ATCAY: variants seen among roughly 807,000 people sequenced by gnomAD.
ATCAY encodes the protein ATCAY kinesin light chain interacting caytaxin, also known as caytaxin.
A neutral mutation model predicts 47.7 loss-of-function variants in ATCAY; 22 were observed. The observed-to-expected ratio is 0.46, with a 90% CI of 0.33 to 0.66. ATCAY has a LOEUF of 0.66. ATCAY is among the 30% of genes least tolerant of loss of function. The probability of loss-of-function intolerance (pLI) is 0.02; values close to 1 mark genes in which losing one functional copy is unlikely to be tolerated. For missense variants in ATCAY, 452 were observed against 515.0 expected (o/e 0.88, Z 1.18); for synonymous variants, 216 against 207.6 (o/e 1.04, Z -0.35).
chr19:3,915,316 G>T (rs887283006), intron 9 of ATCAY, among the ~76,000 whole-genome samples: 1 of 146,542 alleles, frequency 6.8e-6, no homozygotes, highest in African/African-American at 2.5e-5. Flanking sequence ...GGGATTACAG[G>T]CATGAGCCGC....
At chr19:3,912,294 G>A (rs1016468879) in intron 8 of ATCAY, among the ~76,000 whole-genome samples, 6 of 151,200 alleles carry the variant, frequency 4.0e-5, no homozygotes, top group African/African-American at 1.2e-4. Flanking sequence ...GTGACATAGC[G>A]AGACCCTGTC....
At chr19:3,909,685 G>A in intron 7 of ATCAY, 68 bp downstream of exon 7, 3 of 1,537,172 alleles carry the variant, frequency 2.0e-6, no homozygotes, top group African/African-American at 1.4e-5. Flanking sequence ...GGACATGGTG[G>A]CTCACACCTG....
At chr19:3,905,032 T>C (rs2038848242) in intron 3 of ATCAY, among the ~76,000 whole-genome samples, 1 of 152,054 alleles carries the variant, frequency 6.6e-6, no homozygotes, top group Admixed American at 6.6e-5. Context: ...CTAATTTTTA[T>C]ATTTTTAGTA....
chr19:3,913,215 G>A (rs2038937502), intron 8 of ATCAY, among the ~76,000 whole-genome samples: 1 of 151,350 alleles, frequency 6.6e-6, no homozygotes, highest in African/African-American at 2.4e-5. Context: ...TTGAACCGGG[G>A]AGGCGGAGGT....
At chr19:3,922,052 C>A in intron 12 of ATCAY, 1 of 665,034 alleles carries the variant, frequency 1.5e-6, no homozygotes. Context: ...TGGCAAAACA[C>A]ACAAAGTGCT....
At chr19:3,901,205 C>T (rs1373447351) in intron 2 of ATCAY, among the ~76,000 whole-genome samples, 1 of 152,024 alleles carries the variant, frequency 6.6e-6, no homozygotes, top group East Asian at 1.9e-4. Flanking sequence ...CCCGGCCTAT[C>T]CTTCATCTTC....
intron 9 of ATCAY, 104 bp from the exon 10 acceptor site, chr19:3,917,638 A>G: frequency 7.6e-7 from 1 of 1,315,228 alleles, no homozygotes; most frequent in South Asian, 1.3e-5. Context: ...AAAAGAAAGA[A>G]AAAAGAGAGC....
chr19:3,885,132 A>AC (rs1482627749), intron 1 of ATCAY, among the ~76,000 whole-genome samples: 2 of 150,620 alleles, frequency 1.3e-5, no homozygotes, highest in East Asian at 3.9e-4. Context: ...AAAAAAAAAA[A>AC]AAACAGCCAA....
chr19:3,895,781 T>C (rs2038765049), intron 2 of ATCAY, among the ~76,000 whole-genome samples: 1 of 146,070 alleles, frequency 6.8e-6, no homozygotes, highest in African/African-American at 2.5e-5. Flanking sequence ...GTGGTGCCAA[T>C]CACAGCTCAC....
intron 3 of ATCAY, among the ~76,000 whole-genome samples, chr19:3,905,167 G>A (rs2038849240): frequency 6.6e-6 from 1 of 152,068 alleles, no homozygotes; most frequent in Non-Finnish European, 1.5e-5. Flanking sequence ...CCAAAGTCAG[G>A]CTTTGAACTC....
chr19:3,915,641 T>C lies in ATCAY; in HGVS notation c.965+1785T>C, dbSNP rs1178229513. ...ATCTCGGGTCACTGCAACCTCCACC[T>C]CCTGGGTTCAAGTGATTCTCCTGCC... On this transcript the variant is annotated intron_variant, in intron 9 of 12. Transcript: ENST00000450849. Among the ~76,000 whole-genome samples the C allele has an allele frequency of 2.7e-5, 4 of 149,432 alleles. 1 individual carries two copies. In the South Asian group the frequency reaches 6.4e-4, roughly 24 times the overall value.
chr19:3,887,649 G>A (rs1044512249), intron 2 of ATCAY, among the ~76,000 whole-genome samples: 11 of 150,492 alleles, frequency 7.3e-5, no homozygotes, highest in African/African-American at 2.2e-4. Flanking sequence ...ACCACGCCCG[G>A]CTAATTTTTT....
chr19:3,904,780 A>G (rs2038845739), intron 3 of ATCAY, among the ~76,000 whole-genome samples: 2 of 152,144 alleles, frequency 1.3e-5, no homozygotes, highest in African/African-American at 4.8e-5. Context: ...CAGGAGGGTG[A>G]GAGTCAGAGA....
chr19:3,911,543 ATATATG>A (rs1211925052), intron 8 of ATCAY, among the ~76,000 whole-genome samples: 2 of 146,636 alleles, frequency 1.4e-5, no homozygotes, highest in East Asian at 4.1e-4. Context: ...TAAAATATAT[ATATATG>A]TATGTATAAA....
rs972380383 is a variant in ATCAY, at chr19:3,912,318, A to T, written c.866+1429A>T. Among the ~76,000 whole-genome samples, 599 of 146,582 alleles carry T rather than the reference A, an allele frequency of 4.1e-3. 3 individuals are homozygous for T. The highest frequency in any genetic ancestry group is 6.8e-3 in the Non-Finnish European group (447 of 66,086). ...CGAGACCCTGTCTCTACAAAAAAAA[A>T]TTTTTTTTTTTTTCAGACGGAGTCT... On this transcript the variant is annotated intron_variant, in intron 8 of 12. Coordinates refer to ENST00000450849, the MANE Select transcript of ATCAY (RefSeq NM_033064.5).
chr19:3,908,156 G>C (rs564240765), intron 5 of ATCAY, 112 bp from the exon 6 acceptor site: 3 of 1,084,312 alleles, frequency 2.8e-6, no homozygotes. Context: ...GCTGTGGCTC[G>C]GAGCCATGCC....
chr19:3,922,929 T>C (rs2039032831), intron 12 of ATCAY, among the ~76,000 whole-genome samples: 1 of 152,090 alleles, frequency 6.6e-6, no homozygotes, highest in Non-Finnish European at 1.5e-5. Context: ...TATTTTTTAG[T>C]AGAGACGGGG....
intron 12 of ATCAY, among the ~76,000 whole-genome samples, chr19:3,923,164 T>G (rs2039034534): frequency 8.2e-6 from 1 of 121,316 alleles, no homozygotes; most frequent in South Asian, 3.1e-4. Flanking sequence ...CCAGTGCTGC[T>G]TAAGGGGCAC....
In ATCAY at chr19:3,887,920, G is replaced by A. The variant is rs918555663; in HGVS notation, c.77+2076G>A. Among the ~76,000 whole-genome samples, 12 of 151,044 alleles carry A rather than the reference G, an allele frequency of 7.9e-5. No individual in the cohort carries two copies. In the East Asian group the frequency reaches 9.9e-4, roughly 13 times the overall value. On this transcript the variant is annotated intron_variant, in intron 2 of 12. Coordinates refer to ENST00000450849, the MANE Select transcript of ATCAY (RefSeq NM_033064.5). ...TCAGGAATTTGAGACCAGCCTGGCC[G>A]ACATAGTGAAACCCTGTCTCTACTA...
Sources: gnomAD v4.1 joint callset for allele counts (sites outside exome capture counted in the v4.1 genomes callset) on GRCh38, gnomAD v4.1.1 for gene constraint, MANE v1.5 for transcripts, NCBI Gene and HGNC (gene_info 2026-07-23, HGNC 2026-07-21) for gene names.